The following CDH18 variants were observed in gnomAD, a reference collection of about 807,000 sequenced individuals.
CDH18 encodes the protein cadherin-18.
Under a neutral mutation model 67.9 loss-of-function variants are expected in CDH18, and 31 were observed. The ratio of observed to expected loss-of-function variants is 0.46; its 90% CI spans 0.34 to 0.62. CDH18 has a LOEUF of 0.62. Among genes scored for constraint, CDH18 ranks in the 20% least tolerant of loss-of-function variants. The pLI is 0.01. For missense variants in CDH18, 890 were observed against 975.5 expected (o/e 0.91, Z 1.17); for synonymous variants, 362 against 347.2 (o/e 1.04, Z -0.48).
At chr5:20,031,259 T>C (rs1294384337) in intron 2 of CDH18, among the ~76,000 whole-genome samples, 2 of 152,106 alleles carry the variant, frequency 1.3e-5, no homozygotes, top group African/African-American at 2.4e-5. Flanking sequence ...TGAATTTCCA[T>C]AAAAACCCAG....
At chr5:20,155,576 A>G (rs1246392516) in intron 2 of CDH18, among the ~76,000 whole-genome samples, 1 of 152,080 alleles carries the variant, frequency 6.6e-6, no homozygotes, top group Non-Finnish European at 1.5e-5. Flanking sequence ...TTTGTAATTT[A>G]AATAAGTCCT....
intron 2 of CDH18, among the ~76,000 whole-genome samples, chr5:19,930,051 G>A (rs1376651402): frequency 6.6e-6 from 1 of 152,024 alleles, no homozygotes; most frequent in Non-Finnish European, 1.5e-5. Context: ...AAAAGGTTTA[G>A]CATAAGTTAG....
At chr5:20,163,976 T>C (rs115917190) in intron 2 of CDH18, among the ~76,000 whole-genome samples, 1 of 152,304 alleles carries the variant, frequency 6.6e-6, no homozygotes, top group African/African-American at 2.4e-5. Context: ...ATAAAATTTA[T>C]AGAATAAGAG....
At chr5:20,533,762 T>G (rs1387514500) in intron 1 of CDH18, among the ~76,000 whole-genome samples, 1 of 152,102 alleles carries the variant, frequency 6.6e-6, no homozygotes, top group East Asian at 1.9e-4. Flanking sequence ...ATTTTATTCA[T>G]GTAAATAGGC....
At chr5:19,538,150 T>C (rs1192750386) in intron 9 of CDH18, among the ~76,000 whole-genome samples, 1 of 152,106 alleles carries the variant, frequency 6.6e-6, no homozygotes, top group Non-Finnish European at 1.5e-5. Context: ...AGCATGTAAG[T>C]TTGAAGGAAA....
At chr5:19,485,651 C>T (rs1740278993) in intron 11 of CDH18, among the ~76,000 whole-genome samples, 1 of 152,076 alleles carries the variant, frequency 6.6e-6, no homozygotes, top group East Asian at 1.9e-4. Flanking sequence ...GTTTACTCTC[C>T]CAGAAAACCT....
chr5:19,577,264 A>G (rs1742473055), intron 7 of CDH18, among the ~76,000 whole-genome samples: 1 of 152,228 alleles, frequency 6.6e-6, no homozygotes, highest in Non-Finnish European at 1.5e-5. Flanking sequence ...CCACATGTAA[A>G]TGATAAATAT....
chr5:20,531,570 G>C (rs890700177), intron 1 of CDH18, among the ~76,000 whole-genome samples: 2 of 152,050 alleles, frequency 1.3e-5, no homozygotes, highest in African/African-American at 4.8e-5. Flanking sequence ...AAAAAGGAAT[G>C]AGATTATGTC....
chr5:19,758,830 C>T (rs186493958), intron 3 of CDH18, among the ~76,000 whole-genome samples: 27 of 152,346 alleles, frequency 1.8e-4, no homozygotes, highest in African/African-American at 6.3e-4. Flanking sequence ...GCAAATGTCT[C>T]ACCAATAAGT....
intron 1 of CDH18, chr5:20,304,432 C>A: frequency 1.3e-6 from 2 of 1,488,870 alleles, no homozygotes; most frequent in Non-Finnish European, 1.9e-6. Flanking sequence ...GCTCATGATT[C>A]TCTTCTTCAT....
At chr5:19,916,624 T>C (rs946989720) in intron 2 of CDH18, among the ~76,000 whole-genome samples, 1 of 152,220 alleles carries the variant, frequency 6.6e-6, no homozygotes, top group Non-Finnish European at 1.5e-5. Flanking sequence ...TCCTGTGTTA[T>C]TGAGGTAGTC....
intron 2 of CDH18, among the ~76,000 whole-genome samples, chr5:20,189,575 T>A (rs553649032): frequency 6.6e-6 from 1 of 152,144 alleles, no homozygotes; most frequent in Non-Finnish European, 1.5e-5. Flanking sequence ...GAGATACTTA[T>A]TATCCCCATG....
At chr5:19,594,132 T>C (rs1375769146) in intron 6 of CDH18, among the ~76,000 whole-genome samples, 1 of 152,008 alleles carries the variant, frequency 6.6e-6, no homozygotes, top group Non-Finnish European at 1.5e-5. Flanking sequence ...GATAATGAGT[T>C]TTCAATGCAT....
intron 4 of CDH18, among the ~76,000 whole-genome samples, chr5:19,725,220 C>T (rs997665540): frequency 1.3e-5 from 2 of 152,052 alleles, no homozygotes; most frequent in African/African-American, 4.8e-5. Context: ...GCCACCGCAC[C>T]CGGCCCATAT....
chr5:20,124,563 T>C (rs1206964434), intron 2 of CDH18, among the ~76,000 whole-genome samples: 1 of 152,242 alleles, frequency 6.6e-6, no homozygotes, highest in East Asian at 1.9e-4. Flanking sequence ...CCATACATTT[T>C]ACTCTTTGTT....
chr5:20,079,634 C>A (rs559967657), intron 2 of CDH18, among the ~76,000 whole-genome samples: 1 of 152,030 alleles, frequency 6.6e-6, no homozygotes, highest in Non-Finnish European at 1.5e-5. Context: ...AAACTTCATA[C>A]GGTACTAATT....
intron 3 of CDH18, among the ~76,000 whole-genome samples, chr5:19,832,889 G>A (rs1234003010): frequency 3.9e-5 from 6 of 151,946 alleles, no homozygotes; most frequent in African/African-American, 1.4e-4. Context: ...TGCTCTATAT[G>A]TTTTGGTACC....
chr5:19,905,008 G>A (rs1158434269), intron 2 of CDH18, among the ~76,000 whole-genome samples: 1 of 152,124 alleles, frequency 6.6e-6, no homozygotes, highest in Non-Finnish European at 1.5e-5. Context: ...GTTTCTTGCT[G>A]AGAGATGTTT....
intron 1 of CDH18, among the ~76,000 whole-genome samples, chr5:20,418,258 T>TTTTTTTTTTTG: frequency 7.5e-6 from 1 of 133,064 alleles, no homozygotes; most frequent in Non-Finnish European, 1.6e-5. Flanking sequence ...TTTTTTTTTT[T>TTTTTTTTTTTG]TTTTTTTTGT....
Sources: gnomAD v4.1 joint callset for allele counts (sites outside exome capture counted in the v4.1 genomes callset) on GRCh38, gnomAD v4.1.1 for gene constraint, MANE v1.5 for transcripts, NCBI Gene and HGNC (gene_info 2026-07-23, HGNC 2026-07-21) for gene names.